The following SLC25A18 variants were observed in gnomAD, a reference collection of about 807,000 sequenced individuals.
The protein encoded by SLC25A18 is solute carrier family 25 member 18, also known as mitochondrial glutamate carrier 2.
Under a neutral mutation model 31.1 loss-of-function variants are expected in SLC25A18, and 24 were observed. That is an observed-to-expected ratio of 0.77 (90% confidence interval 0.56 to 1.08). The LOEUF is 1.08. SLC25A18 is among the 50% of genes least tolerant of loss of function. SLC25A18 has a pLI of 0.00. For missense variants in SLC25A18, 371 were observed against 418.5 expected (o/e 0.89, Z 0.99); for synonymous variants, 173 against 161.9 (o/e 1.07, Z -0.52).
chr22:17,570,525 C>T (rs2146211199), intron 2 of SLC25A18: 1 of 152,456 alleles, frequency 6.6e-6, no homozygotes, highest in East Asian at 1.9e-4. Context: ...TACTCTGTCG[C>T]CCAGGCTGGA....
rs761661199 is a variant in SLC25A18, at chr22:17,590,230, T to C, written c.942T>C (p.Phe314=). 1.2e-6 allele frequency: 2 copies of C among 1,614,230 alleles called. No homozygotes were observed. The highest frequency in any genetic ancestry group is 2.2e-5 in the East Asian group (1 of 44,872). The stretch of plus-strand genomic sequence containing the variant: ...TTGGAGAGCGCATCTTAAAGTGTTT[T>C]GACTAGACAGAGCTGGAGGTCAAGT... ...IGIGERILKC[F]D Residue 314 remains phenylalanine, a synonymous_variant, in exon 11 of 11, where the codon TTT becomes TTC. Transcript: ENST00000327451.
chr22:17,590,509 T>G lies in SLC25A18; in HGVS notation c.*273T>G. ...CTACTTTTCAACAAAAATGGTACTT[T>G]CGTTGTATTAATTGCAGGACCTTAA... On this transcript the variant is annotated 3_prime_UTR_variant, in exon 11 of 11. Transcript: ENST00000327451. 1 of 361,408 alleles carries G rather than the reference T, an allele frequency of 2.8e-6. No individual in the cohort carries two copies. 22.4% of individuals were successfully genotyped at this position (361,408 alleles called of 1,614,324 possible). A position where few individuals can be genotyped will look rare whatever the true frequency, so the allele number is the denominator to read the frequency against.
intron 9 of SLC25A18, 141 bp from the exon 10 acceptor site, chr22:17,589,449 T>TA: frequency 1.6e-6 from 1 of 636,912 alleles, no homozygotes; most frequent in Non-Finnish European, 2.8e-6. Context: ...GTGCTGGGAT[T>TA]ACAGGCGTGA....
chr22:17,590,483 C>G lies in SLC25A18; in HGVS notation c.*247C>G. 1 of 412,324 alleles carries G rather than the reference C, an allele frequency of 2.4e-6. No homozygotes were observed. Among genetic ancestry groups the G allele is most frequent in the Non-Finnish European group, 4.3e-6 (1 of 230,856 alleles). 25.5% of individuals were successfully genotyped at this position (412,324 alleles called of 1,614,324 possible). ...AGGGGCTTTTGGAAGCCCCTAACCA[C>G]CTACTTTTCAACAAAAATGGTACTT... is the stretch of plus-strand genomic sequence containing the variant. On this transcript the variant is annotated 3_prime_UTR_variant, in exon 11 of 11. Transcript: ENST00000327451.
chr22:17,589,653 C>A lies in SLC25A18; in HGVS notation c.794C>A (p.Thr265Asn). The A allele has an allele frequency of 6.2e-7, 1 of 1,614,070 alleles. No homozygotes were observed. The highest frequency in any genetic ancestry group is 8.5e-7 in the Non-Finnish European group (1 of 1,179,976). The change falls in exon 10 of 11, where the codon ACC becomes AAC. Residue 265 changes from threonine (T) to asparagine (N), a missense_variant. By Grantham distance (65) the Thr-to-Asn change is moderately conservative (BLOSUM62 0). Transcript: ENST00000327451. ...GGCGAGGACATGTACAGTGGGATCA[C>A]CGACTGTGCCAGGTGAGAGCCAGTG... ...GLGEDMYSGITDCARKLWIQE... is the reference protein window; with the variant it reads ...GLGEDMYSGINDCARKLWIQE...
At position 17,567,460 on chromosome 22, in the gene SLC25A18, T is replaced by A. The variant is rs148641913; in HGVS notation, c.-263-2464T>A. Among the ~76,000 whole-genome samples the A allele has an allele frequency of 9.0e-3, 1,374 of 151,950 alleles. 24 individuals are homozygous for A. The highest frequency in any genetic ancestry group is 0.031 in the African/African-American group (1,289 of 41,420). On this transcript the variant is annotated intron_variant, in intron 1 of 10. Transcript: ENST00000327451. ...GAAAAAAGCACTAAAGTAGCTTCCCTAAAGTGTATTACTTCATAATTTAGG... is the reference window on the plus strand; with the variant it reads ...GAAAAAAGCACTAAAGTAGCTTCCCAAAAGTGTATTACTTCATAATTTAGG...
intron 2 of SLC25A18, among the ~76,000 whole-genome samples, chr22:17,570,721 G>A (rs901929013): frequency 2.6e-5 from 4 of 152,048 alleles, no homozygotes; most frequent in African/African-American, 7.2e-5. Flanking sequence ...CCTAACCTCA[G>A]GTGATCTGCC....
intron 2 of SLC25A18, among the ~76,000 whole-genome samples, chr22:17,571,411 C>T (rs576876928): frequency 2.0e-5 from 3 of 152,314 alleles, no homozygotes; most frequent in South Asian, 4.1e-4. Context: ...TGCAGCTCAG[C>T]AGCTAGTATC....
At chr22:17,585,652 T>TG (rs1460757139) in intron 7 of SLC25A18, among the ~76,000 whole-genome samples, 2 of 121,176 alleles carry the variant, frequency 1.7e-5, no homozygotes, top group African/African-American at 3.6e-5. Flanking sequence ...TTATTATTAT[T>TG]TTTTTTTTTT....
Position 17,584,781 on chromosome 22 carries a change from CAAAAAAAAAAAA to C in SLC25A18, c.409+1263_409+1274del, listed in dbSNP as rs66948770. ...GGAGGACAAAAGCGAGAATTCATCT[CAAAAAAAAAAAA>C]AAAAAAAAAAAAAAAGAAATGCCAA... On this transcript the variant is annotated intron_variant, in intron 7 of 10. Coordinates refer to ENST00000327451, the MANE Select transcript of SLC25A18 (RefSeq NM_031481.3). 3.0e-4 allele frequency among the ~76,000 whole-genome samples: 6 copies of C among 20,060 alleles called. No homozygotes were observed. In the East Asian group the frequency reaches 0.01, roughly 34 times the overall value. The allele number at this position is 20,060 out of a possible 152,430, so 13.2% of individuals were successfully genotyped here.
chr22:17,588,836 C>T (rs564809638), intron 9 of SLC25A18: 8 of 151,586 alleles, frequency 5.3e-5, no homozygotes, highest in African/African-American at 1.2e-4. Flanking sequence ...TTTGGGAGAC[C>T]GAGACAGGAG....
rs556057218 is a variant in SLC25A18, at chr22:17,568,651, TC to T, written c.-263-1270del. Among the ~76,000 whole-genome samples the T allele has an allele frequency of 5.2e-5, 7 of 133,708 alleles. No homozygotes were observed. In the South Asian group the frequency reaches 1.9e-3, roughly 37 times the overall value. The allele number at this position is 133,708 out of a possible 152,430, so 87.7% of individuals were successfully genotyped here. ...ATCTCGGCTCACTGCAAGCTCTGCG[TC>T]CCGGATTCACGCCATTCTCCTGCCT... On this transcript the variant is annotated intron_variant, in intron 1 of 10. Coordinates refer to ENST00000327451, the MANE Select transcript of SLC25A18 (RefSeq NM_031481.3).
chr22:17,564,705 A>G (rs1339716563), intron 1 of SLC25A18, among the ~76,000 whole-genome samples: 5 of 152,068 alleles, frequency 3.3e-5, no homozygotes, highest in African/African-American at 1.2e-4. Context: ...AAAAATACAA[A>G]AAATTAGCCA....
intron 7 of SLC25A18, among the ~76,000 whole-genome samples, chr22:17,585,068 G>A (rs1054858723): frequency 4.6e-5 from 7 of 151,668 alleles, no homozygotes; most frequent in Non-Finnish European, 8.8e-5. Context: ...AGCCCAGCCT[G>A]GGCAACATAG....
intron 1 of SLC25A18, among the ~76,000 whole-genome samples, chr22:17,567,069 A>G (rs1417975061): frequency 6.6e-6 from 1 of 152,190 alleles, no homozygotes; most frequent in Non-Finnish European, 1.5e-5. Context: ...GGCTGAGGTG[A>G]GAGGATGGCT....
intron 3 of SLC25A18, 112 bp downstream of exon 3, chr22:17,580,076 A>G (rs747944380): frequency 4.9e-6 from 5 of 1,010,758 alleles, no homozygotes; most frequent in Non-Finnish European, 6.0e-6. Flanking sequence ...AGGGAAGAGC[A>G]AGACCCCTGT....
intron 2 of SLC25A18, among the ~76,000 whole-genome samples, chr22:17,574,350 A>G (rs1374584312): frequency 1.3e-5 from 2 of 152,142 alleles, no homozygotes; most frequent in Non-Finnish European, 2.9e-5. Context: ...CCCTTTTAGG[A>G]GGGCACATGC....
intron 7 of SLC25A18, among the ~76,000 whole-genome samples, chr22:17,583,735 G>A (rs141642389): frequency 1.2e-4 from 18 of 151,522 alleles, no homozygotes; most frequent in Admixed American, 2.0e-4. Flanking sequence ...TTTGAGGTCA[G>A]GAGTTCGAGA....
intron 1 of SLC25A18, among the ~76,000 whole-genome samples, chr22:17,569,133 C>T (rs1234019990): frequency 3.3e-5 from 5 of 151,356 alleles, no homozygotes; most frequent in Non-Finnish European, 3.0e-5. Flanking sequence ...CTCCGCATCC[C>T]GAGTAGCTGG....
Sources: gnomAD v4.1 joint callset for allele counts (sites outside exome capture counted in the v4.1 genomes callset) on GRCh38, gnomAD v4.1.1 for gene constraint, MANE v1.5 for transcripts, NCBI Gene and HGNC (gene_info 2026-07-23, HGNC 2026-07-21) for gene names.